Variants in CDC14B observed in about 807,000 individuals in gnomAD.
CDC14B encodes the protein dual specificity protein phosphatase CDC14B.
CDC14B carries 22 observed loss-of-function variants against 64.2 expected under a neutral mutation model. The observed-to-expected ratio is 0.34, with a 90% CI of 0.24 to 0.49. The LOEUF (loss-of-function observed/expected upper bound fraction) is 0.49. Ranked by LOEUF, CDC14B falls within the 20% of genes least tolerant of loss-of-function variation. The pLI is 0.99. For missense variants in CDC14B, 498 were observed against 629.9 expected (o/e 0.79, Z 2.24); for synonymous variants, 191 against 215.8 (o/e 0.89, Z 1.01).
chr9:96,505,361 C>T (rs1217059105), intron 13 of CDC14B, among the ~76,000 whole-genome samples: 1 of 152,094 alleles, frequency 6.6e-6, no homozygotes, highest in Non-Finnish European at 1.5e-5. Context: ...GTAACTTGTA[C>T]ATGCCAGTTT....
intron 4 of CDC14B, among the ~76,000 whole-genome samples, chr9:96,556,136 TA>T (rs1390515490): frequency 1.3e-5 from 2 of 152,156 alleles, no homozygotes; most frequent in Admixed American, 6.6e-5. Context: ...CTGTACAATT[TA>T]GAACCCAAAC....
intron 5 of CDC14B, among the ~76,000 whole-genome samples, chr9:96,545,929 T>C (rs528128414): frequency 6.6e-6 from 1 of 152,368 alleles, no homozygotes; most frequent in South Asian, 2.1e-4. Flanking sequence ...CATTCAGCCT[T>C]CTTCCAATAG....
chr9:96,592,806 A>T (rs1178817351), intron 1 of CDC14B, among the ~76,000 whole-genome samples: 69 of 152,308 alleles, frequency 4.5e-4, no homozygotes, highest in African/African-American at 1.6e-3. Flanking sequence ...GTTGCTAAAC[A>T]AGGACATTAA....
downstream of CDC14B, among the ~76,000 whole-genome samples, chr9:96,498,546 A>G (rs1833345414): frequency 6.6e-6 from 1 of 152,228 alleles, no homozygotes; most frequent in Non-Finnish European, 1.5e-5. Context: ...AAGGCAAAAT[A>G]GTTTACGTGA....
At chr9:96,566,831 T>G (rs745383867) in intron 1 of CDC14B, 1 of 1,601,576 alleles carries the variant, frequency 6.2e-7, no homozygotes, top group East Asian at 2.3e-5. Context: ...CCAAAGCATC[T>G]GGAAGGCGGG....
chr9:96,587,872 C>T (rs994423922), intron 1 of CDC14B, among the ~76,000 whole-genome samples: 9 of 152,094 alleles, frequency 5.9e-5, no homozygotes, highest in South Asian at 4.1e-4. Context: ...GCCAACTCCC[C>T]GCCCCGCCCC....
intron 6 of CDC14B, 93 bp from the exon 7 acceptor site, chr9:96,539,233 C>A (rs1839710762): frequency 1.2e-6 from 1 of 853,262 alleles, no homozygotes. Flanking sequence ...AGGGGCCCCC[C>A]AAGAAAGTAT....
intron 5 of CDC14B, among the ~76,000 whole-genome samples, chr9:96,544,583 C>G (rs909643617): frequency 2.0e-5 from 3 of 152,154 alleles, no homozygotes; most frequent in Non-Finnish European, 4.4e-5. Context: ...CAGCCTTGAC[C>G]TCCTGGGCTA....
intron 1 of CDC14B, chr9:96,618,580 T>C (rs769686591): frequency 1.9e-6 from 1 of 533,292 alleles, no homozygotes; most frequent in Non-Finnish European, 3.8e-6. Context: ...ACGTGACACC[T>C]TCCTTCTCGA....
intron 1 of CDC14B, among the ~76,000 whole-genome samples, chr9:96,596,060 A>AAAAAG (rs759784799): frequency 1.3e-5 from 2 of 152,154 alleles, no homozygotes; most frequent in African/African-American, 4.8e-5. Context: ...GCTGTTATTT[A>AAAAAG]AAAAGAAAAG....
intron 1 of CDC14B, among the ~76,000 whole-genome samples, chr9:96,584,288 C>T (rs7042473): frequency 0.18 from 26,818 of 152,072 alleles, 2,670 homozygotes; most frequent in South Asian, 0.31. Context: ...ACTCCATCTA[C>T]CTCAAGTCTT....
chr9:96,552,821 G>A (rs1168422850), intron 4 of CDC14B, among the ~76,000 whole-genome samples: 1 of 152,096 alleles, frequency 6.6e-6, no homozygotes, highest in Non-Finnish European at 1.5e-5. Flanking sequence ...GGCGGGAGCG[G>A]TGGGAAGGAG....
intron 1 of CDC14B, among the ~76,000 whole-genome samples, chr9:96,596,023 G>A (rs1390275021): frequency 6.6e-6 from 1 of 151,964 alleles, no homozygotes; most frequent in Non-Finnish European, 1.5e-5. Context: ...ATTTTAAGTT[G>A]GTGAACTGCA....
chr9:96,556,567 T>C (rs921157139), intron 4 of CDC14B, among the ~76,000 whole-genome samples: 16 of 152,112 alleles, frequency 1.1e-4, no homozygotes, highest in Admixed American at 3.3e-4. Flanking sequence ...TTCAATAGTT[T>C]TAACTTTTAA....
At chr9:96,532,342 G>A (rs546830992) in intron 9 of CDC14B, among the ~76,000 whole-genome samples, 1 of 152,308 alleles carries the variant, frequency 6.6e-6, no homozygotes, top group South Asian at 2.1e-4. Flanking sequence ...TTTCTGATGA[G>A]AGATCTGCTG....
At chr9:96,511,013 T>A (rs1834837009) in intron 12 of CDC14B, among the ~76,000 whole-genome samples, 1 of 152,150 alleles carries the variant, frequency 6.6e-6, no homozygotes, top group African/African-American at 2.4e-5. Context: ...AATACTGACT[T>A]AACAAGCTTT....
chr9:96,551,536 A>G (rs1012190745), intron 5 of CDC14B, among the ~76,000 whole-genome samples: 11 of 152,060 alleles, frequency 7.2e-5, no homozygotes, highest in Non-Finnish European at 1.5e-4. Context: ...CTGAGTTTTG[A>G]CAATTAGAGT....
At chr9:96,608,257 T>A (rs1847099757) in intron 1 of CDC14B, among the ~76,000 whole-genome samples, 2 of 152,204 alleles carry the variant, frequency 1.3e-5, no homozygotes, top group Admixed American at 1.3e-4. Flanking sequence ...TTACAGTAGT[T>A]TAAAATTAGA....
chr9:96,562,350 G>A (rs771282152), intron 4 of CDC14B, among the ~76,000 whole-genome samples: 8 of 152,174 alleles, frequency 5.3e-5, no homozygotes, highest in Non-Finnish European at 1.0e-4. Context: ...AATGGATCAC[G>A]AGTGAATAGA....
Sources: allele counts gnomAD v4.1 joint callset (sites outside exome capture counted in the v4.1 genomes callset), GRCh38; gene constraint gnomAD v4.1.1; transcripts MANE v1.5; gene names NCBI Gene and HGNC (gene_info 2026-07-23, HGNC 2026-07-21).